PAX6: variants seen among roughly 807,000 people sequenced by gnomAD.
The protein encoded by PAX6 is paired box protein Pax-6.
Under a neutral mutation model 60.7 loss-of-function variants are expected in PAX6, and 7 were observed. The ratio of observed to expected loss-of-function variants is 0.12; its 90% CI spans 0.07 to 0.22. PAX6 has a LOEUF of 0.22. Ranked by LOEUF, PAX6 falls within the 10% of genes least tolerant of loss-of-function variation. PAX6 has a pLI of 1.00. For synonymous variants in PAX6, 208 were observed against 201.2 expected (o/e 1.03, Z -0.29); for missense variants, 355 against 555.2 (o/e 0.64, Z 3.62).
At chr11:31,803,690 T>A (rs1053153352) in intron 4 of PAX6, 37 of 152,790 alleles carry the variant, frequency 2.4e-4, no homozygotes, top group African/African-American at 8.7e-4. Context: ...CACCAGCCAC[T>A]GCTCGCTTTA....
At chr11:31,798,869 C>T (rs550235553) in intron 8 of PAX6, among the ~76,000 whole-genome samples, 2 of 152,326 alleles carry the variant, frequency 1.3e-5, no homozygotes, top group Non-Finnish European at 2.9e-5. Flanking sequence ...CTGCTGTCCT[C>T]GGCTTCTGCC....
chr11:31,797,012 C>T (rs531768732), intron 8 of PAX6, among the ~76,000 whole-genome samples: 1 of 152,150 alleles, frequency 6.6e-6, no homozygotes, highest in African/African-American at 2.4e-5. Flanking sequence ...GAAGCGACCA[C>T]CCCCACCCCT....
At chr11:31,806,273 C>A (rs1160360816) in intron 4 of PAX6, 129 bp downstream of exon 4, 2 of 1,069,542 alleles carry the variant, frequency 1.9e-6, no homozygotes. Flanking sequence ...GAGCAGCCGC[C>A]GCAGGTCCCC....
At chr11:31,806,278 G>A in intron 4 of PAX6, 124 bp downstream of exon 4, 1 of 1,142,604 alleles carries the variant, frequency 8.8e-7, no homozygotes, top group Non-Finnish European at 1.2e-6. Flanking sequence ...GCCGCCGCAG[G>A]TCCCCGGGCC....
intron 12 of PAX6, 151 bp from the exon 13 acceptor site, chr11:31,791,011 G>A: frequency 1.1e-6 from 1 of 879,444 alleles, no homozygotes; most frequent in Non-Finnish European, 1.8e-6. Context: ...ATAAATCTAA[G>A]ATTGGGCCTC....
chr11:31,800,659 G>T, intron 8 of PAX6, 32 bp downstream of exon 8: 1 of 1,612,922 alleles, frequency 6.2e-7, no homozygotes, highest in South Asian at 1.1e-5. Flanking sequence ...TGCACATATG[G>T]AGAGCTGCGT....
rs1275858715 is a variant in PAX6, at chr11:31,800,929, A to C, written c.400-73T>G. The C allele has an allele frequency of 4.0e-6, 6 of 1,509,488 alleles. No individual in the cohort carries two copies. The African/African-American group carries it at 6.9e-5, about 17-fold the overall frequency. The allele number at this position is 1,509,488 out of a possible 1,614,324, so 93.5% of individuals were successfully genotyped here. A position where few individuals can be genotyped will look rare whatever the true frequency, so the allele number is the denominator to read the frequency against. ...CACAGTCACCCATCTCAGCTCACCC[A>C]CAACCTTAAAAAGCAACTCTCAACC... is the stretch of plus-strand genomic sequence containing the variant. On this transcript the variant is annotated intron_variant, in intron 7 of 13. Transcript: ENST00000640368.
At chr11:31,802,908 G>A (rs1039495949) in intron 4 of PAX6, 74 bp from the exon 5 acceptor site, 2 of 1,411,880 alleles carry the variant, frequency 1.4e-6, no homozygotes, top group African/African-American at 2.8e-5. Context: ...AGAGGGAGAA[G>A]AAGGAAGAGG....
At chr11:31,799,955 AC>A (rs200672132) in intron 8 of PAX6, among the ~76,000 whole-genome samples, 1,399 of 33,068 alleles carry the variant, frequency 0.042, 27 homozygotes, top group Admixed American at 0.1. Flanking sequence ...CCTCCGCCCC[AC>A]CCCCCCCATC....
intron 5 of PAX6, chr11:31,802,149 C>A: frequency 1.9e-6 from 1 of 532,448 alleles, no homozygotes; most frequent in Non-Finnish European, 3.3e-6. Flanking sequence ...CTTAAAGTGG[C>A]GTTATGTTTT....
At position 31,802,669 on chromosome 11, in the gene PAX6, G is replaced by A. The variant is rs191712324; in HGVS notation, c.141+35C>T. 5 of 1,598,832 alleles carry A rather than the reference G, an allele frequency of 3.1e-6. No individual in the cohort carries two copies. In the African/African-American group the frequency reaches 5.3e-5, roughly 17 times the overall value. Reference sequence around the variant, plus strand: ...GAGGGCGTTGAGAGTGGAGGGCCGCGGGGGCGGCGAGTGGGGCGGCGCCGG... The same window carrying A: ...GAGGGCGTTGAGAGTGGAGGGCCGCAGGGGCGGCGAGTGGGGCGGCGCCGG... On this transcript the variant is annotated intron_variant, in intron 5 of 13. Transcript: ENST00000640368.
At chr11:31,798,628 G>C (rs575564934) in intron 8 of PAX6, among the ~76,000 whole-genome samples, 1 of 152,322 alleles carries the variant, frequency 6.6e-6, no homozygotes, top group African/African-American at 2.4e-5. Context: ...TCCTGTGCCT[G>C]AGGTGACAAT....
chr11:31,809,976 AAGCCTGGGG>A (rs1348033692), intron 2 of PAX6: 1 of 152,366 alleles, frequency 6.6e-6, no homozygotes, highest in Non-Finnish European at 1.5e-5. Context: ...GAGTCGGGGG[AAGCCTGGGG>A]AGCAGAGAGT....
At chr11:31,798,540 G>A (rs1281892634) in intron 8 of PAX6, among the ~76,000 whole-genome samples, 1 of 152,202 alleles carries the variant, frequency 6.6e-6, no homozygotes, top group African/African-American at 2.4e-5. Context: ...GCTCACCACC[G>A]GTGCCCGCTA....
At chr11:31,800,120 A>G (rs1431679313) in intron 8 of PAX6, among the ~76,000 whole-genome samples, 1 of 151,976 alleles carries the variant, frequency 6.6e-6, no homozygotes, top group Admixed American at 6.6e-5. Context: ...ACAGAGAGTG[A>G]GAAAGTGGGA....
intron 8 of PAX6, among the ~76,000 whole-genome samples, chr11:31,797,779 C>A (rs1277652148): frequency 6.6e-6 from 1 of 152,166 alleles, no homozygotes; most frequent in Non-Finnish European, 1.5e-5. Flanking sequence ...TCGACTCCCC[C>A]ACCCCCACGA....
intron 3 of PAX6, 189 bp downstream of exon 3, chr11:31,806,660 A>T: frequency 1.8e-6 from 1 of 567,528 alleles, no homozygotes; most frequent in Non-Finnish European, 3.2e-6. Context: ...GGGGCTTGAA[A>T]CAAAGTACTG....
rs1229837884 is a variant in PAX6, at chr11:31,793,220, G to A, written c.1074+218C>T. 4 of 691,160 alleles carry A rather than the reference G, an allele frequency of 5.8e-6. No individual in the cohort carries two copies. The East Asian group carries it at 1.1e-4, about 19-fold the overall frequency. The allele number at this position is 691,160 out of a possible 1,614,324, so 42.8% of individuals were successfully genotyped here. ...AAGGCAGATCAACCTGACAAAACTG[G>A]ACAGATTTTTATTACTCATTTTTTT... is the stretch of plus-strand genomic sequence containing the variant. On this transcript the variant is annotated intron_variant, in intron 12 of 13. Coordinates refer to ENST00000640368, the MANE Select transcript of PAX6 (RefSeq NM_001368894.2).
At chr11:31,804,013 C>A (rs1175844501) in intron 4 of PAX6, 4 of 152,218 alleles carry the variant, frequency 2.6e-5, no homozygotes, top group African/African-American at 9.7e-5. Flanking sequence ...GTTCAGCTCT[C>A]CTCTCCTCTC....
Sources: gnomAD v4.1 joint callset for allele counts (sites outside exome capture counted in the v4.1 genomes callset) on GRCh38, gnomAD v4.1.1 for gene constraint, MANE v1.5 for transcripts, NCBI Gene and HGNC (gene_info 2026-07-23, HGNC 2026-07-21) for gene names.